The following BLTP1 variants were observed in gnomAD, a reference collection of about 807,000 sequenced individuals.
BLTP1 encodes the protein bridge-like lipid transfer protein family member 1.
At chr4:122,297,795 A>C in the BLTP1 span, among the ~76,000 whole-genome samples, 1 of 152,206 alleles carries the variant, frequency 6.6e-6, no homozygotes, top group Non-Finnish European at 1.5e-5. Context: ...TCCCCAGCAT[A>C]CTAATGCAGG....
chr4:122,199,301 A>C, the BLTP1 span: 1 of 1,591,298 alleles, frequency 6.3e-7, no homozygotes, highest in South Asian at 1.1e-5. Flanking sequence ...TCTAGTCCAA[A>C]GATGTTTCAT....
At chr4:122,297,482 A>G in the BLTP1 span, among the ~76,000 whole-genome samples, 24 of 152,130 alleles carry the variant, frequency 1.6e-4, no homozygotes, top group African/African-American at 4.6e-4. Context: ...CAACCATTGT[A>G]GAAGACAGTG....
chr4:122,324,573 A>G, the BLTP1 span: 1 of 1,532,202 alleles, frequency 6.5e-7, no homozygotes. Context: ...AAGTAATAAA[A>G]TTGTTGACTC....
chr4:122,289,332 C>A, the BLTP1 span: 1 of 789,242 alleles, frequency 1.3e-6, no homozygotes, highest in Non-Finnish European at 1.8e-6. Context: ...ACTGTGCATT[C>A]CTTTTATGGC....
the BLTP1 span, among the ~76,000 whole-genome samples, chr4:122,352,677 A>C: frequency 1.3e-5 from 2 of 151,942 alleles, no homozygotes; most frequent in African/African-American, 2.4e-5. Context: ...TATTAGTTTT[A>C]ATTATTTTTA....
chr4:122,215,660 A>G, the BLTP1 span: 1 of 616,886 alleles, frequency 1.6e-6, no homozygotes, highest in East Asian at 1.4e-4. Context: ...GGGGAGAACT[A>G]CTGCTTTGAA....
the BLTP1 span, chr4:122,183,474 C>T: frequency 1.0e-6 from 1 of 984,780 alleles, no homozygotes; most frequent in African/African-American, 1.7e-5. Flanking sequence ...TGTCACTTGC[C>T]TCTGGATACT....
the BLTP1 span, among the ~76,000 whole-genome samples, chr4:122,332,129 G>A: frequency 6.6e-6 from 1 of 151,936 alleles, no homozygotes; most frequent in Non-Finnish European, 1.5e-5. Flanking sequence ...GGGTGGAGAT[G>A]TAGATAAAAA....
At chr4:122,346,572 A>C in the BLTP1 span, 3 of 1,584,372 alleles carry the variant, frequency 1.9e-6, no homozygotes, top group Non-Finnish European at 2.6e-6. Flanking sequence ...ACCATGTGAA[A>C]ACATTAAAGG....
the BLTP1 span, chr4:122,188,126 T>C: frequency 7.2e-7 from 1 of 1,382,714 alleles, no homozygotes; most frequent in Non-Finnish European, 9.5e-7. Context: ...AAACTTCTTA[T>C]AGGTAATACA....
the BLTP1 span, chr4:122,350,026 C>T: frequency 6.2e-7 from 1 of 1,613,874 alleles, no homozygotes; most frequent in Non-Finnish European, 8.5e-7. Flanking sequence ...TCCTTACCTT[C>T]CGCCAAAGAC....
At chr4:122,211,999 GATC>G in the BLTP1 span, 4 of 944,274 alleles carry the variant, frequency 4.2e-6, no homozygotes, top group Non-Finnish European at 5.0e-6. Context: ...ATTTTTACAG[GATC>G]GGCAGATTCA....
At chr4:122,263,962 T>C in the BLTP1 span, 80 of 357,088 alleles carry the variant, frequency 2.2e-4, no homozygotes, top group African/African-American at 1.7e-3. Context: ...CTAATAACTA[T>C]CATTCTAAAC....
the BLTP1 span, chr4:122,328,312 A>G: frequency 6.2e-7 from 1 of 1,610,730 alleles, no homozygotes; most frequent in African/African-American, 1.3e-5. Flanking sequence ...GATGAAAAAG[A>G]TGAAGACCAT....
At chr4:122,333,709 C>T in the BLTP1 span, 9 of 1,612,176 alleles carry the variant, frequency 5.6e-6, no homozygotes, top group East Asian at 2.2e-5. Flanking sequence ...TATGCTTCTA[C>T]CACCCATTTA....
At chr4:122,303,084 G>A in the BLTP1 span, among the ~76,000 whole-genome samples, 1 of 152,236 alleles carries the variant, frequency 6.6e-6, no homozygotes, top group Non-Finnish European at 1.5e-5. Context: ...TTCACAGCTA[G>A]AGAGAAATCA....
At chr4:122,325,609 A>C in the BLTP1 span, 11 of 1,123,878 alleles carry the variant, frequency 9.8e-6, no homozygotes, top group African/African-American at 1.6e-4. Flanking sequence ...CTTTCAAGTG[A>C]GAATCCATAT....
the BLTP1 span, chr4:122,276,101 A>G: frequency 4.2e-6 from 5 of 1,181,978 alleles, no homozygotes; most frequent in Non-Finnish European, 4.6e-6. Flanking sequence ...AATTTTTTTC[A>G]TGGCTGTGAA....
the BLTP1 span, chr4:122,244,964 C>T: frequency 6.3e-7 from 1 of 1,576,400 alleles, no homozygotes; most frequent in East Asian, 2.3e-5. Flanking sequence ...TTTACATAAA[C>T]TAAGTTGTAG....
Sources: gnomAD v4.1 joint callset for allele counts (sites outside exome capture counted in the v4.1 genomes callset) on GRCh38, gnomAD v4.1.1 for gene constraint, MANE v1.5 for transcripts, NCBI Gene and HGNC (gene_info 2026-07-23, HGNC 2026-07-21) for gene names.